PCDH15: variants seen among roughly 807,000 people sequenced by gnomAD.
PCDH15 encodes protocadherin-15.
Under a neutral mutation model 178.5 loss-of-function variants are expected in PCDH15, and 129 were observed. That is an observed-to-expected ratio of 0.72 (90% CI 0.63 to 0.84). The LOEUF is 0.84. PCDH15 is among the 40% of genes least tolerant of loss of function. PCDH15 has a pLI of 0.00. For missense variants in PCDH15, 2,230 were observed against 2,099.9 expected, an observed-to-expected ratio of 1.06 and a Z score of -1.21; for synonymous variants, 800 against 732.0, an observed-to-expected ratio of 1.09 and a Z score of -1.50.
intron 1 of PCDH15, among the ~76,000 whole-genome samples, chr10:55,281,637 C>T (rs955557632): frequency 6.6e-6 from 1 of 152,098 alleles, no homozygotes; most frequent in Non-Finnish European, 1.5e-5. Flanking sequence ...ATCTATATGA[C>T]AATGACTCGC....
At chr10:55,196,187 A>G (rs1452085172) in intron 1 of PCDH15, among the ~76,000 whole-genome samples, 1 of 152,178 alleles carries the variant, frequency 6.6e-6, no homozygotes, top group African/African-American at 2.4e-5. Flanking sequence ...TTCATTGCCT[A>G]TTACGACCTC....
intron 1 of PCDH15, among the ~76,000 whole-genome samples, chr10:54,766,333 G>GA (rs1820185448): frequency 6.6e-6 from 1 of 151,994 alleles, no homozygotes; most frequent in African/African-American, 2.4e-5. Flanking sequence ...TGCATTTTGT[G>GA]AAAAAATTTT....
intron 10 of PCDH15, among the ~76,000 whole-genome samples, chr10:54,200,430 C>T (rs1161719600): frequency 6.6e-6 from 1 of 151,938 alleles, no homozygotes; most frequent in Admixed American, 6.6e-5. Flanking sequence ...CCTAGGCCCC[C>T]ACCCTCGACA....
chr10:54,870,825 G>A (rs1052345172), intron 3 of PCDH15, among the ~76,000 whole-genome samples: 1 of 151,656 alleles, frequency 6.6e-6, no homozygotes, highest in Non-Finnish European at 1.5e-5. Flanking sequence ...AAAAATCCAC[G>A]GAAAAATATC....
chr10:55,446,610 G>A (rs1402878000), intron 2 of PCDH15, among the ~76,000 whole-genome samples: 1 of 152,044 alleles, frequency 6.6e-6, no homozygotes, highest in African/African-American at 2.4e-5. Context: ...TCATCAACAT[G>A]CGCATACTTG....
At chr10:55,442,481 T>TG (rs56220182) in intron 2 of PCDH15, among the ~76,000 whole-genome samples, 2 of 123,076 alleles carry the variant, frequency 1.6e-5, no homozygotes, top group Non-Finnish European at 3.2e-5. Context: ...TATATATATA[T>TG]TATATATATA....
chr10:54,858,516 C>G (rs1953781111), intron 3 of PCDH15, among the ~76,000 whole-genome samples: 1 of 152,018 alleles, frequency 6.6e-6, no homozygotes, highest in Non-Finnish European at 1.5e-5. Context: ...TGTCTTAGCT[C>G]CAGTATATTT....
At chr10:55,282,963 T>C (rs1842769654) in intron 1 of PCDH15, among the ~76,000 whole-genome samples, 3 of 152,150 alleles carry the variant, frequency 2.0e-5, no homozygotes, top group African/African-American at 7.2e-5. Context: ...ATAGTTGAAC[T>C]TTGAAACAAA....
At position 55,605,145 on chromosome 10, in the gene PCDH15, C is replaced by G. The variant is rs889037117; in HGVS notation, c.-156+22480G>C. The stretch of plus-strand genomic sequence containing the variant: ...CTACGCAAATAAACTAGAAAATCTA[C>G]AAGAAATGGATAAATTCCTCGACAC... On this transcript the variant is annotated intron_variant, in intron 2 of 5. Transcript: ENST00000613346. 4.0e-3 allele frequency among the ~76,000 whole-genome samples: 607 copies of G among 150,916 alleles called. 1 individual carries two copies. The highest frequency in any genetic ancestry group is 0.017 in the Middle Eastern group (5 of 292).
At chr10:55,541,480 G>T (rs1395411284) in intron 2 of PCDH15, among the ~76,000 whole-genome samples, 3 of 151,818 alleles carry the variant, frequency 2.0e-5, no homozygotes, top group Non-Finnish European at 4.4e-5. Flanking sequence ...TATCTGAATA[G>T]GTGTTATGTT....
intron 2 of PCDH15, among the ~76,000 whole-genome samples, chr10:55,420,460 A>ATT (rs147555336): frequency 2.0e-5 from 3 of 150,702 alleles, no homozygotes; most frequent in South Asian, 2.1e-4. Flanking sequence ...TAGGTATTGC[A>ATT]TTTTTTTTCC....
At chr10:55,509,372 C>A (rs1011398422) in intron 2 of PCDH15, among the ~76,000 whole-genome samples, 5 of 151,594 alleles carry the variant, frequency 3.3e-5, no homozygotes, top group Non-Finnish European at 4.4e-5. Context: ...AAAACGAAAT[C>A]GAAACCAAGC....
intron 2 of PCDH15, among the ~76,000 whole-genome samples, chr10:54,564,367 A>G (rs12777241): frequency 0.21 from 32,252 of 152,130 alleles, 4,192 homozygotes; most frequent in East Asian, 0.42. Flanking sequence ...TAAAGTCAGC[A>G]TAATCCTTAC....
At chr10:55,272,108 G>A (rs1024164555) in intron 1 of PCDH15, among the ~76,000 whole-genome samples, 1 of 152,052 alleles carries the variant, frequency 6.6e-6, no homozygotes, top group Admixed American at 6.5e-5. Flanking sequence ...TTATACAAGA[G>A]TAGCACATAA....
intron 2 of PCDH15, among the ~76,000 whole-genome samples, chr10:55,328,913 C>A (rs1258359713): frequency 3.6e-5 from 4 of 111,314 alleles, no homozygotes; most frequent in Admixed American, 9.8e-5. Flanking sequence ...TTCACACAAA[C>A]ATATATATAT....
intron 1 of PCDH15, among the ~76,000 whole-genome samples, chr10:55,308,725 T>G (rs956443043): frequency 3.3e-5 from 5 of 152,188 alleles, no homozygotes; most frequent in African/African-American, 1.2e-4. Context: ...AAAGAACTAT[T>G]CCAGAAGACC....
At chr10:54,825,159 T>C (rs1054597950) in intron 3 of PCDH15, among the ~76,000 whole-genome samples, 1 of 152,056 alleles carries the variant, frequency 6.6e-6, no homozygotes, top group Non-Finnish European at 1.5e-5. Flanking sequence ...TTGCTGAGAA[T>C]GATGGTTTCC....
At chr10:55,337,830 T>G (rs1565026704) in intron 2 of PCDH15, among the ~76,000 whole-genome samples, 1 of 133,548 alleles carries the variant, frequency 7.5e-6, no homozygotes, top group Non-Finnish European at 1.6e-5. Flanking sequence ...ATATCCTAAG[T>G]AGGTATAAGA....
intron 1 of PCDH15, among the ~76,000 whole-genome samples, chr10:55,206,218 C>T (rs186078147): frequency 2.0e-5 from 3 of 152,166 alleles, no homozygotes; most frequent in Admixed American, 2.0e-4. Context: ...AAAGGAAATA[C>T]TGATATTGCA....
Sources: gnomAD v4.1 joint callset for allele counts (sites outside exome capture counted in the v4.1 genomes callset) on GRCh38, gnomAD v4.1.1 for gene constraint, MANE v1.5 for transcripts, NCBI Gene and HGNC (gene_info 2026-07-23, HGNC 2026-07-21) for gene names.